JARID2: variants seen among roughly 807,000 people sequenced by gnomAD.
JARID2 encodes protein Jumonji.
In JARID2, 21 loss-of-function variants were observed where a neutral mutation model predicts 125.6. That is an observed-to-expected ratio of 0.17 (90% CI 0.12 to 0.24). The LOEUF is 0.24. JARID2 is among the 10% of genes least tolerant of loss of function. JARID2 has a pLI of 1.00. For synonymous variants in JARID2, 736 were observed against 661.6 expected, an observed-to-expected ratio of 1.11 and a Z score of -1.73; for missense variants, 1,303 against 1,639.6, an observed-to-expected ratio of 0.79 and a Z score of 3.55.
intron 2 of JARID2, among the ~76,000 whole-genome samples, chr6:15,404,670 A>C (rs926092280): frequency 6.6e-6 from 1 of 152,196 alleles, no homozygotes. Flanking sequence ...GACAGACGGC[A>C]TTGGCTCTAT....
chr6:15,461,708 G>A (rs1322611796), intron 4 of JARID2, among the ~76,000 whole-genome samples: 1 of 152,110 alleles, frequency 6.6e-6, no homozygotes, highest in African/African-American at 2.4e-5. Flanking sequence ...CTTACTGTGA[G>A]TCACTCAGCT....
chr6:15,395,487 G>C (rs554325561), intron 2 of JARID2, among the ~76,000 whole-genome samples: 8 of 151,830 alleles, frequency 5.3e-5, no homozygotes, highest in African/African-American at 1.9e-4. Context: ...GGATGGTCTC[G>C]ATCTCCTGAC....
intron 3 of JARID2, among the ~76,000 whole-genome samples, chr6:15,431,862 A>G (rs1230059447): frequency 2.0e-5 from 3 of 152,210 alleles, no homozygotes; most frequent in Non-Finnish European, 2.9e-5. Flanking sequence ...CTCTTAAGCC[A>G]AGTCACTAAA....
chr6:15,486,242 A>G (rs750241035), intron 5 of JARID2, among the ~76,000 whole-genome samples: 13 of 152,238 alleles, frequency 8.5e-5, no homozygotes, highest in Non-Finnish European at 1.6e-4. Flanking sequence ...TTCCAGAGAA[A>G]TGGATGTGAA....
At chr6:15,342,035 A>G (rs984827960) in intron 1 of JARID2, among the ~76,000 whole-genome samples, 3 of 152,226 alleles carry the variant, frequency 2.0e-5, no homozygotes, top group South Asian at 4.1e-4. Context: ...TATACCACAC[A>G]GTGATAATTA....
chr6:15,294,726 A>G (rs1455195984), intron 1 of JARID2, among the ~76,000 whole-genome samples: 6 of 152,226 alleles, frequency 3.9e-5, no homozygotes, highest in Non-Finnish European at 7.3e-5. Flanking sequence ...AATGAATTGT[A>G]GAACCAATAC....
intron 3 of JARID2, among the ~76,000 whole-genome samples, chr6:15,439,237 A>G (rs568080852): frequency 3.3e-5 from 5 of 152,266 alleles, no homozygotes; most frequent in African/African-American, 4.8e-5. Context: ...AGAAGTTTTT[A>G]GCTGAAAAAT....
intron 4 of JARID2, among the ~76,000 whole-genome samples, chr6:15,465,039 T>C (rs930742585): frequency 1.3e-5 from 2 of 152,192 alleles, no homozygotes; most frequent in Admixed American, 1.3e-4. Context: ...CTTTCTTCCA[T>C]TTTAGCCCCT....
intron 2 of JARID2, among the ~76,000 whole-genome samples, chr6:15,396,321 C>T (rs1765216689): frequency 6.6e-6 from 1 of 152,150 alleles, no homozygotes; most frequent in Non-Finnish European, 1.5e-5. Flanking sequence ...ATTAATGCCT[C>T]CAACACCAGT....
At chr6:15,347,265 T>C (rs1763274527) in intron 1 of JARID2, among the ~76,000 whole-genome samples, 1 of 152,146 alleles carries the variant, frequency 6.6e-6, no homozygotes, top group South Asian at 2.1e-4. Flanking sequence ...TGAAATGCTA[T>C]CCTAAACCTT....
chr6:15,349,639 A>G (rs755704545), intron 1 of JARID2, among the ~76,000 whole-genome samples: 1 of 152,138 alleles, frequency 6.6e-6, no homozygotes, highest in African/African-American at 2.4e-5. Flanking sequence ...TGAAGAAAAA[A>G]GGAAGGGATT....
intron 1 of JARID2, among the ~76,000 whole-genome samples, chr6:15,259,042 CTT>C (rs758197291): frequency 2.6e-5 from 4 of 152,314 alleles, no homozygotes; most frequent in Admixed American, 6.5e-5. Context: ...GTGTGAGTCT[CTT>C]TACACCCAGA....
In JARID2 at chr6:15,496,322, A is replaced by G; in HGVS notation, c.1097A>G (p.Lys366Arg). ...LVKDTKPNHH[K>R]PSSAVNHTIS... ...AAGGACACCAAACCCAATCACCACA[A>G]GCCCAGTTCCGCTGTCAACCACACA... The change falls in exon 7 of 18, where the codon AAG (lysine) becomes AGG (arginine). Residue 366 changes from lysine (K) to arginine (R), a missense_variant. Lys to Arg is a conservative substitution (Grantham distance 26). Coordinates refer to ENST00000341776, the MANE Select transcript of JARID2 (RefSeq NM_004973.4). The G allele has an allele frequency of 6.2e-7, 1 of 1,614,200 alleles. No homozygotes were observed. The highest frequency in any genetic ancestry group is 8.5e-7 in the Non-Finnish European group (1 of 1,180,040).
chr6:15,457,457 T>C (rs1768238570), intron 4 of JARID2, among the ~76,000 whole-genome samples: 1 of 152,202 alleles, frequency 6.6e-6, no homozygotes. Flanking sequence ...CCCATCACCC[T>C]TGGGTGACAG....
At chr6:15,294,332 A>G (rs761797474) in intron 1 of JARID2, among the ~76,000 whole-genome samples, 3 of 152,172 alleles carry the variant, frequency 2.0e-5, no homozygotes, top group Non-Finnish European at 2.9e-5. Context: ...AGCTGGGACT[A>G]TAGGTGCGTG....
chr6:15,250,245 T>A (rs1441694215), intron 1 of JARID2, among the ~76,000 whole-genome samples: 1 of 151,916 alleles, frequency 6.6e-6, no homozygotes, highest in Non-Finnish European at 1.5e-5. Flanking sequence ...TCAAAAGGAT[T>A]TACTATAATT....
intron 1 of JARID2, among the ~76,000 whole-genome samples, chr6:15,270,727 C>G (rs1168245452): frequency 2.6e-5 from 4 of 152,062 alleles, no homozygotes; most frequent in African/African-American, 4.8e-5. Flanking sequence ...GTGGGGAGAT[C>G]ACTTGAGCCT....
intron 2 of JARID2, among the ~76,000 whole-genome samples, chr6:15,386,299 T>C (rs1447519003): frequency 6.8e-6 from 1 of 147,706 alleles, no homozygotes; most frequent in Non-Finnish European, 1.5e-5. Flanking sequence ...TCCCTCTCTC[T>C]ACTTCTGTGT....
chr6:15,461,776 T>C (rs572139695), intron 4 of JARID2, among the ~76,000 whole-genome samples: 1 of 152,352 alleles, frequency 6.6e-6, no homozygotes, highest in East Asian at 1.9e-4. Flanking sequence ...TTATGCTCTG[T>C]ATACAGTTGA....
Sources: gnomAD v4.1 joint callset for allele counts (sites outside exome capture counted in the v4.1 genomes callset) on GRCh38, gnomAD v4.1.1 for gene constraint, MANE v1.5 for transcripts, NCBI Gene and HGNC (gene_info 2026-07-23, HGNC 2026-07-21) for gene names.